ZNF804B: variants seen among roughly 807,000 people sequenced by gnomAD.
ZNF804B encodes zinc finger protein 804B, also known as zinc finger 804B.
ZNF804B carries 80 observed loss-of-function variants against 101.4 expected under a neutral mutation model. The observed-to-expected ratio is 0.79, with a 90% CI of 0.66 to 0.95. The LOEUF (loss-of-function observed/expected upper bound fraction) is 0.95. Ranked by LOEUF, ZNF804B falls within the 40% of genes least tolerant of loss-of-function variation. The probability of loss-of-function intolerance (pLI) is 0.00; values close to 1 mark genes in which losing one functional copy is unlikely to be tolerated. For synonymous variants in ZNF804B, 622 were observed against 558.8 expected (o/e 1.11, Z -1.59); for missense variants, 1,673 against 1,561.9 (o/e 1.07, Z -1.20).
intron 1 of ZNF804B, among the ~76,000 whole-genome samples, chr7:88,768,616 G>A (rs367915638): frequency 6.6e-6 from 1 of 152,188 alleles, no homozygotes; most frequent in East Asian, 1.9e-4. Context: ...TACTCAGGAG[G>A]CTGAGGCCGG....
chr7:89,013,862 A>G lies in ZNF804B; in HGVS notation c.109-204293A>G, dbSNP rs79248685. Among the ~76,000 whole-genome samples the G allele has an allele frequency of 1.5e-4, 23 of 152,340 alleles. No individual in the cohort carries two copies. The East Asian group carries it at 4.2e-3, about 28-fold the overall frequency. On this transcript the variant is annotated intron_variant, in intron 1 of 3. Coordinates refer to ENST00000333190, the MANE Select transcript of ZNF804B (RefSeq NM_181646.5). ...TTAGGTTCCACATATGAATGAGAAC[A>G]TACACCGTTTAACTTTCTGTTACCA...
intron 1 of ZNF804B, among the ~76,000 whole-genome samples, chr7:89,206,619 G>T (rs957141664): frequency 1.3e-5 from 2 of 152,066 alleles, no homozygotes; most frequent in Non-Finnish European, 2.9e-5. Context: ...AGGCATGGTG[G>T]CTGGTGCCTG....
intron 2 of ZNF804B, among the ~76,000 whole-genome samples, chr7:89,296,610 C>A (rs188965663): frequency 6.6e-6 from 1 of 152,208 alleles, no homozygotes; most frequent in African/African-American, 2.4e-5. Flanking sequence ...CATAGGAGAT[C>A]TCAGCGTCCT....
rs554866632 is a variant in ZNF804B at position 89,014,465 on chromosome 7, C to T, written c.109-203690C>T. Among the ~76,000 whole-genome samples, 10 of 152,008 alleles carry T rather than the reference C, an allele frequency of 6.6e-5. 1 individual carries two copies. The highest frequency in any genetic ancestry group is 1.2e-4 in the African/African-American group (5 of 41,384). ...CCGAGTTGCTGAGACTACAGGCGCC[C>T]GCTGCGACGCCTGGCTAATTTTTTG... On this transcript the variant is annotated intron_variant, in intron 1 of 3. Coordinates refer to ENST00000333190, the MANE Select transcript of ZNF804B (RefSeq NM_181646.5).
At chr7:88,955,261 C>A (rs1793288047) in intron 1 of ZNF804B, among the ~76,000 whole-genome samples, 1 of 151,410 alleles carries the variant, frequency 6.6e-6, no homozygotes, top group Admixed American at 6.6e-5. Context: ...AAAGGATATT[C>A]CATATAAACA....
At chr7:88,907,109 A>G (rs938967359) in intron 1 of ZNF804B, among the ~76,000 whole-genome samples, 7 of 152,032 alleles carry the variant, frequency 4.6e-5, no homozygotes, top group African/African-American at 1.4e-4. Flanking sequence ...CATGTCCACT[A>G]CAAATTTGGT....
intron 2 of ZNF804B, among the ~76,000 whole-genome samples, chr7:89,302,812 A>C (rs1298448584): frequency 6.6e-6 from 1 of 151,942 alleles, no homozygotes; most frequent in Non-Finnish European, 1.5e-5. Context: ...CTGCATGAAT[A>C]TCTTTTCCAT....
intron 1 of ZNF804B, among the ~76,000 whole-genome samples, chr7:88,858,202 C>A (rs1791599443): frequency 6.6e-6 from 1 of 152,156 alleles, no homozygotes; most frequent in African/African-American, 2.4e-5. Flanking sequence ...AGTCTAAATA[C>A]TTCTCCTCAA....
intron 2 of ZNF804B, among the ~76,000 whole-genome samples, chr7:89,278,502 T>C (rs1477652428): frequency 6.6e-6 from 1 of 151,730 alleles, no homozygotes; most frequent in East Asian, 1.9e-4. Flanking sequence ...TTTCAGTCTT[T>C]AATGCATCTT....
At chr7:89,240,412 TCTC>T (rs1789350468) in intron 2 of ZNF804B, among the ~76,000 whole-genome samples, 1 of 151,914 alleles carries the variant, frequency 6.6e-6, no homozygotes, top group Non-Finnish European at 1.5e-5. Context: ...AGTTTTTTTT[TCTC>T]TCTTTCTCTT....
At chr7:88,880,899 A>G (rs1279220754) in intron 1 of ZNF804B, among the ~76,000 whole-genome samples, 1 of 152,074 alleles carries the variant, frequency 6.6e-6, no homozygotes, top group African/African-American at 2.4e-5. Flanking sequence ...CATTATTTTA[A>G]TGGAAAATTC....
At chr7:89,175,847 T>A (rs1791309442) in intron 1 of ZNF804B, among the ~76,000 whole-genome samples, 1 of 150,734 alleles carries the variant, frequency 6.6e-6, no homozygotes, top group Non-Finnish European at 1.5e-5. Context: ...ATTAGATTAC[T>A]TTCTTGATTT....
intron 1 of ZNF804B, among the ~76,000 whole-genome samples, chr7:89,005,905 C>G (rs1045191808): frequency 8.5e-5 from 13 of 152,062 alleles, no homozygotes; most frequent in Non-Finnish European, 1.5e-4. Context: ...CAGTTCTCTA[C>G]AAGACATAAT....
rs552294116 is a variant in ZNF804B at position 89,335,099 on chromosome 7, G to A, written c.2117G>A (p.Ser706Asn). Residue 706 changes from serine (S) to asparagine (N), a missense_variant, in exon 4 of 4, where the codon AGT (serine) becomes AAT (asparagine). Ser to Asn is a conservative substitution (Grantham distance 46, BLOSUM62 1). Transcript: ENST00000333190. ...YKRYSPQSCLSRYSSSLDTSP... is the reference protein window; with the variant it reads ...YKRYSPQSCLNRYSSSLDTSP... ...AGATACTCTCCACAGTCATGTTTGA[G>A]TAGATATTCTTCCTCTTTGGACACA... 1.2e-6 allele frequency: 2 copies of A among 1,613,816 alleles called. No homozygotes were observed. The highest frequency in any genetic ancestry group is 2.7e-5 in the African/African-American group (2 of 75,024).
intron 2 of ZNF804B, among the ~76,000 whole-genome samples, chr7:89,315,184 T>C (rs1790706635): frequency 6.6e-6 from 1 of 152,108 alleles, no homozygotes. Flanking sequence ...TACACACTTT[T>C]ATACAATCAT....
intron 1 of ZNF804B, among the ~76,000 whole-genome samples, chr7:89,053,535 G>A (rs893060495): frequency 2.0e-5 from 3 of 151,992 alleles, no homozygotes; most frequent in African/African-American, 4.8e-5. Context: ...TTGCAGCAGG[G>A]ATCAAGGAAG....
chr7:89,129,477 A>G (rs915504482), intron 1 of ZNF804B, among the ~76,000 whole-genome samples: 2 of 152,006 alleles, frequency 1.3e-5, no homozygotes, highest in Admixed American at 6.6e-5. Flanking sequence ...CAAGCAACCT[A>G]ACATAACAGG....
intron 1 of ZNF804B, among the ~76,000 whole-genome samples, chr7:88,814,343 A>C (rs1349670502): frequency 6.6e-6 from 1 of 152,194 alleles, no homozygotes; most frequent in South Asian, 2.1e-4. Flanking sequence ...TAATTCTTAC[A>C]TGACTCTGTT....
intron 1 of ZNF804B, among the ~76,000 whole-genome samples, chr7:89,197,842 A>C (rs1168544271): frequency 1.3e-5 from 2 of 151,898 alleles, no homozygotes; most frequent in African/African-American, 2.4e-5. Context: ...TGTACACTTT[A>C]GTTTTGAATA....
Sources: allele counts gnomAD v4.1 joint callset (sites outside exome capture counted in the v4.1 genomes callset), GRCh38; gene constraint gnomAD v4.1.1; transcripts MANE v1.5; gene names NCBI Gene and HGNC (gene_info 2026-07-23, HGNC 2026-07-21).